Variants in ZBED6 observed in about 807,000 individuals in gnomAD.
ZBED6 encodes the protein zinc finger BED-type containing 6.
In ZBED6, 40 loss-of-function variants were observed where a neutral mutation model predicts 58.4. The ratio of observed to expected loss-of-function variants is 0.68; its 90% CI spans 0.53 to 0.89. The LOEUF (loss-of-function observed/expected upper bound fraction) is 0.89, where lower values mean the gene tolerates loss of function less well. Ranked by LOEUF, ZBED6 falls within the 40% of genes least tolerant of loss-of-function variation. The probability of loss-of-function intolerance (pLI) is 0.00; values close to 1 mark genes in which losing one functional copy is unlikely to be tolerated. For synonymous variants in ZBED6, 439 were observed against 350.6 expected (o/e 1.25, Z -2.82); for missense variants, 1,057 against 1,003.9 (o/e 1.05, Z -0.71).
At chr1:203,838,170 A>G (rs1684963297) in intron 10 of ZBED6, 106 bp downstream of exon 10, 7 of 1,024,654 alleles carry the variant, frequency 6.8e-6, no homozygotes, top group Non-Finnish European at 1.0e-5. Context: ...TAAATAGGTT[A>G]TCTTGTATTT....
intron 1 of ZBED6, among the ~76,000 whole-genome samples, chr1:203,810,568 C>T (rs1277238080): frequency 3.3e-5 from 5 of 151,590 alleles, no homozygotes; most frequent in Non-Finnish European, 4.4e-5. Flanking sequence ...CACAGGCGCC[C>T]ACCACCACGC....
intron 10 of ZBED6, among the ~76,000 whole-genome samples, chr1:203,840,052 C>T (rs1307729464): frequency 1.3e-5 from 2 of 151,262 alleles, no homozygotes; most frequent in Admixed American, 6.6e-5. Flanking sequence ...GATCCACCCA[C>T]CTCAGCCTCC....
At chr1:203,803,123 A>G (rs1671026420) in intron 1 of ZBED6, 107 bp downstream of exon 1, 1 of 152,280 alleles carries the variant, frequency 6.6e-6, no homozygotes, top group Non-Finnish European at 1.5e-5. Flanking sequence ...TTGTTCAGAC[A>G]TTTTTGCTTG....
At chr1:203,841,111 T>C (rs1183892077) in intron 11 of ZBED6, among the ~76,000 whole-genome samples, 1 of 151,554 alleles carries the variant, frequency 6.6e-6, no homozygotes, top group Non-Finnish European at 1.5e-5. Context: ...CATACCACTT[T>C]TGACCTCCTG....
chr1:203,837,839 G>T, intron 9 of ZBED6, 127 bp from the exon 10 acceptor site: 1 of 848,300 alleles, frequency 1.2e-6, no homozygotes, highest in South Asian at 1.9e-5. Flanking sequence ...GGAAGCTGGT[G>T]AACAAACACG....
At chr1:203,820,216 CAG>C (rs1290537103) in intron 3 of ZBED6, among the ~76,000 whole-genome samples, 1 of 147,380 alleles carries the variant, frequency 6.8e-6, no homozygotes, top group African/African-American at 2.5e-5. Context: ...GCCTGGGTGA[CAG>C]GGCGAGACTC....
chr1:203,834,118 A>C, intron 9 of ZBED6: 1 of 1,118,980 alleles, frequency 8.9e-7, no homozygotes, highest in East Asian at 4.8e-5. Flanking sequence ...GAACACCTCT[A>C]TTTCTCTGAA....
At position 203,797,258 on chromosome 1, in the gene ZBED6, T is replaced by G. The variant is rs969336761; in HGVS notation, c.-265T>G. On this transcript the variant is annotated 5_prime_UTR_variant, in exon 1 of 17. It removes an upstream start codon present in the reference 5' UTR. Transcript: ENST00000550078. ...GGACTCAGTTCTTACTTCTGTAACA[T>G]GAGGACACTGGACTATTTGAATTCA... The G allele has an allele frequency of 7.7e-6, 2 of 258,168 alleles. No individual in the cohort carries two copies. Among genetic ancestry groups the G allele is most frequent in the Non-Finnish European group, 1.5e-5 (2 of 136,360 alleles). The allele number at this position is 258,168 out of a possible 1,614,324, so 16.0% of individuals were successfully genotyped here.
At chr1:203,828,669 C>G (rs1435256777) in intron 4 of ZBED6, among the ~76,000 whole-genome samples, 1 of 152,094 alleles carries the variant, frequency 6.6e-6, no homozygotes, top group Admixed American at 6.6e-5. Flanking sequence ...CTTATCAGAC[C>G]CATAAACGTT....
intron 3 of ZBED6, among the ~76,000 whole-genome samples, chr1:203,820,852 C>T (rs1180206053): frequency 6.6e-6 from 1 of 152,092 alleles, no homozygotes; most frequent in African/African-American, 2.4e-5. Context: ...TAACTTTGAT[C>T]ACTCAATTAA....
intron 1 of ZBED6, among the ~76,000 whole-genome samples, chr1:203,816,636 A>G (rs896609277): frequency 1.3e-5 from 2 of 152,156 alleles, no homozygotes; most frequent in Admixed American, 1.3e-4. Context: ...GTCTCTAAAA[A>G]GAGTTAAAAA....
chr1:203,850,336 C>A (rs2103453474), intron 14 of ZBED6, 179 bp from the exon 15 acceptor site: 1 of 860,328 alleles, frequency 1.2e-6, no homozygotes, highest in East Asian at 2.5e-5. Context: ...TACATGGTGA[C>A]CACCTGTAGT....
At chr1:203,849,660 A>T in intron 13 of ZBED6, 51 bp from the exon 14 acceptor site, 5 of 1,539,920 alleles carry the variant, frequency 3.2e-6, no homozygotes, top group Non-Finnish European at 4.5e-6. Flanking sequence ...TACATCATAC[A>T]GGTTATTAGA....
chr1:203,847,339 A>C, exon 12 of ZBED6: 1 of 1,613,986 alleles, frequency 6.2e-7, no homozygotes, highest in Non-Finnish European at 8.5e-7. Context: ...AAGCTCCTCC[A>C]CTATCCGTAT....
At chr1:203,812,400 T>C (rs1674784778) in intron 1 of ZBED6, among the ~76,000 whole-genome samples, 1 of 152,140 alleles carries the variant, frequency 6.6e-6, no homozygotes, top group African/African-American at 2.4e-5. Flanking sequence ...TCTGCATTAG[T>C]TTGCTAAGGA....
At chr1:203,822,339 A>T (rs1475538955) in intron 3 of ZBED6, among the ~76,000 whole-genome samples, 1 of 151,944 alleles carries the variant, frequency 6.6e-6, no homozygotes, top group Non-Finnish European at 1.5e-5. Flanking sequence ...ACCATGTTTC[A>T]ACTCTAGTAC....
intron 4 of ZBED6, among the ~76,000 whole-genome samples, chr1:203,828,630 GTTA>G: frequency 6.6e-6 from 1 of 152,214 alleles, no homozygotes. Context: ...TGCCATTTAA[GTTA>G]TTATACTTAC....
chr1:203,805,323 G>A (rs1215750223), intron 1 of ZBED6, among the ~76,000 whole-genome samples: 2 of 151,702 alleles, frequency 1.3e-5, no homozygotes, highest in East Asian at 1.9e-4. Flanking sequence ...AGTAGAGATG[G>A]GGTTTCACCA....
intron 9 of ZBED6, among the ~76,000 whole-genome samples, chr1:203,834,777 G>A (rs1392521330): frequency 6.6e-6 from 1 of 152,134 alleles, no homozygotes; most frequent in African/African-American, 2.4e-5. Flanking sequence ...AGCCTCTCAA[G>A]TAGCTGGGAT....
Sources: gnomAD v4.1 joint callset for allele counts (sites outside exome capture counted in the v4.1 genomes callset) on GRCh38, gnomAD v4.1.1 for gene constraint, MANE v1.5 for transcripts, NCBI Gene and HGNC (gene_info 2026-07-23, HGNC 2026-07-21) for gene names.